SPRY3: variants seen among roughly 807,000 people sequenced by gnomAD.
SPRY3 encodes the protein protein sprouty homolog 3.
In SPRY3, 15 loss-of-function variants were observed where a neutral mutation model predicts 20.2. That is an observed-to-expected ratio of 0.74 (90% CI 0.50 to 1.14). SPRY3 has a LOEUF of 1.14. SPRY3 is among the 50% of genes most tolerant of loss of function. The pLI is 0.00. For synonymous variants in SPRY3, 143 were observed against 136.5 expected, an observed-to-expected ratio of 1.05 and a Z score of -0.33; for missense variants, 364 against 363.9, an observed-to-expected ratio of 1.00 and a Z score of 0.00.
At chrX:155,681,239 C>T (rs1342025539) in intron 2 of SPRY3, among the ~76,000 whole-genome samples, 1 of 111,440 alleles carries the variant, frequency 9.0e-6, no homozygotes, top group African/African-American at 3.3e-5. Flanking sequence ...ATAAGTCTCA[C>T]GAGATCTGAT....
intron 3 of SPRY3, among the ~76,000 whole-genome samples, chrX:155,769,797 G>A (rs2091370075): frequency 6.6e-6 from 1 of 152,130 alleles, no homozygotes; most frequent in South Asian, 2.1e-4. Context: ...AGTTAAATGT[G>A]GTGAGAACCT....
At chrX:155,674,846 C>G (rs1250830793) in intron 2 of SPRY3, among the ~76,000 whole-genome samples, 1 of 111,435 alleles carries the variant, frequency 9.0e-6, no homozygotes, top group Non-Finnish European at 1.9e-5. Flanking sequence ...TCCAACTCAT[C>G]AACAAAAATA....
chrX:155,688,810 A>AGCCC (rs2124572752), intron 2 of SPRY3, among the ~76,000 whole-genome samples: 1 of 57,130 alleles, frequency 1.8e-5, no homozygotes, highest in East Asian at 4.9e-4. Flanking sequence ...CTTTTCCCTA[A>AGCCC]TGCTCTCCCC....
chrX:155,721,244 A>G (rs2091055069), intron 2 of SPRY3, among the ~76,000 whole-genome samples: 6 of 152,166 alleles, frequency 3.9e-5, no homozygotes. Flanking sequence ...GAAAATGCAC[A>G]GTCAGAGAAA....
intron 2 of SPRY3, among the ~76,000 whole-genome samples, chrX:155,680,145 GGTGTGTGTGTGTGTGTGT>G (rs774435204): frequency 8.5e-5 from 6 of 70,406 alleles, no homozygotes; most frequent in Middle Eastern, 8.1e-3. Context: ...AAGCAATGCT[GGTGTGTGTGTGTGTGTGT>G]GTGTGTGTGT....
chrX:155,650,477 A>G (rs1283222263), intron 1 of SPRY3, among the ~76,000 whole-genome samples: 20 of 112,091 alleles, frequency 1.8e-4, no homozygotes, highest in African/African-American at 6.5e-4. Flanking sequence ...AGAATTATAA[A>G]TTGATTTATG....
chrX:155,739,347 C>T (rs2091190206), intron 2 of SPRY3, among the ~76,000 whole-genome samples: 1 of 152,198 alleles, frequency 6.6e-6, no homozygotes, highest in Admixed American at 6.5e-5. Context: ...GGGGCAACCA[C>T]TGTCTCTGCA....
At chrX:155,769,143 C>CA (rs2091365820) in intron 3 of SPRY3, among the ~76,000 whole-genome samples, 1 of 152,130 alleles carries the variant, frequency 6.6e-6, no homozygotes. Flanking sequence ...CAAACATATA[C>CA]AAAGACATTA....
At chrX:155,774,617 A>G in exon 4 of SPRY3, 1 of 1,613,920 alleles carries the variant, frequency 6.2e-7, no homozygotes, top group Non-Finnish European at 8.5e-7. Flanking sequence ...CATCTGTGCC[A>G]ACAGGGCTAT....
intron 1 of SPRY3, among the ~76,000 whole-genome samples, chrX:155,655,191 C>G (rs1484488365): frequency 2.7e-5 from 3 of 111,147 alleles, no homozygotes; most frequent in Non-Finnish European, 5.7e-5. Context: ...TGTCCTTTGG[C>G]CATTTTTAAT....
intron 1 of SPRY3, among the ~76,000 whole-genome samples, chrX:155,622,216 A>G (rs1427370993): frequency 5.3e-5 from 6 of 112,424 alleles, no homozygotes; most frequent in African/African-American, 1.9e-4. Context: ...AGGACTAACA[A>G]GAAATTATAA....
chrX:155,769,127 T>C (rs2091365661), intron 3 of SPRY3, among the ~76,000 whole-genome samples: 1 of 152,200 alleles, frequency 6.6e-6, no homozygotes, highest in Non-Finnish European at 1.5e-5. Context: ...TCTCCTTGCC[T>C]CTAAACAAAC....
chrX:155,648,806 G>A (rs2067966601), intron 1 of SPRY3, among the ~76,000 whole-genome samples: 1 of 111,107 alleles, frequency 9.0e-6, no homozygotes, highest in African/African-American at 3.3e-5. Flanking sequence ...ACATGAAAAA[G>A]CCTTCAAAAA....
At chrX:155,752,514 G>GAT (rs200297132) in intron 2 of SPRY3, among the ~76,000 whole-genome samples, 23 of 150,204 alleles carry the variant, frequency 1.5e-4, no homozygotes, top group Admixed American at 2.0e-4. Flanking sequence ...TTAATGTCTT[G>GAT]ATATATATAT....
intron 1 of SPRY3, among the ~76,000 whole-genome samples, chrX:155,634,508 CACCCAAAGGCAGCTGG>C (rs1387226238): frequency 9.0e-6 from 1 of 111,568 alleles, no homozygotes; most frequent in African/African-American, 3.3e-5. Flanking sequence ...TATACCAAAT[CACCCAAAGGCAGCTGG>C]ACTGACTGAA....
chrX:155,709,085 G>A (rs1008783399), intron 2 of SPRY3, among the ~76,000 whole-genome samples: 2 of 151,582 alleles, frequency 1.3e-5, no homozygotes, highest in Non-Finnish European at 3.0e-5. Flanking sequence ...GGACACTTAG[G>A]TTGCTTCCAA....
chrX:155,752,332 A>C (rs2091267636), intron 2 of SPRY3, among the ~76,000 whole-genome samples: 1 of 151,746 alleles, frequency 6.6e-6, no homozygotes, highest in Non-Finnish European at 1.5e-5. Flanking sequence ...CTAAAAAAAA[A>C]AGCACAAGGA....
At chrX:155,624,398 A>G (rs1557349733) in intron 1 of SPRY3, among the ~76,000 whole-genome samples, 1 of 112,278 alleles carries the variant, frequency 8.9e-6, no homozygotes, top group African/African-American at 3.2e-5. Context: ...GAAATTACAG[A>G]AAAACACAAA....
rs55865452 is a variant in SPRY3, at chrX:155,632,219, C to CCACACACACACACACA, written c.-441+19584_-441+19599dup. Among the ~76,000 whole-genome samples the CCACACACACACACACA allele has an allele frequency of 3.5e-3, 343 of 98,664 alleles. 2 individuals are homozygous for CCACACACACACACACA. Among genetic ancestry groups the CCACACACACACACACA allele is most frequent in the Middle Eastern group, 0.011 (2 of 188 alleles). 85.7% of individuals were successfully genotyped at this position (98,664 alleles called of 115,157 possible). On this transcript the variant is annotated intron_variant, in intron 1 of 3. Transcript: ENST00000675360. ...TCATCATATGTGATTTCCACAGCCA[C>CCACACACACACACACA]CACACACACACACACACACACACAC...
Sources: allele counts gnomAD v4.1 joint callset (sites outside exome capture counted in the v4.1 genomes callset), GRCh38; gene constraint gnomAD v4.1.1; transcripts MANE v1.5; gene names NCBI Gene and HGNC (gene_info 2026-07-23, HGNC 2026-07-21).